RAD51B: variants seen among roughly 807,000 people sequenced by gnomAD.
The protein encoded by RAD51B is DNA repair protein RAD51 homolog 2.
A neutral mutation model predicts 42.2 loss-of-function variants in RAD51B; 38 were observed. The observed-to-expected ratio is 0.90, with a 90% CI of 0.70 to 1.18. The LOEUF is 1.18. Ranked by LOEUF, RAD51B falls within the 50% of genes most tolerant of loss-of-function variation. The pLI is 0.00. For missense variants in RAD51B, 373 were observed against 400.7 expected (o/e 0.93, Z 0.59); for synonymous variants, 154 against 145.2 (o/e 1.06, Z -0.43).
At chr14:68,014,199 CTT>C (rs35420035) in intron 7 of RAD51B, among the ~76,000 whole-genome samples, 8,553 of 138,270 alleles carry the variant, frequency 0.062, 590 homozygotes, top group African/African-American at 0.17. Context: ...TCTTTTCTTT[CTT>C]TTTTTTTTTT....
intron 10 of RAD51B, among the ~76,000 whole-genome samples, chr14:68,624,535 G>A (rs138922025): frequency 2.6e-5 from 4 of 152,062 alleles, no homozygotes; most frequent in South Asian, 2.1e-4. Flanking sequence ...CCCCCTAACC[G>A]CAGTTCCCTA....
chr14:68,488,577 A>T (rs185706185), intron 10 of RAD51B, among the ~76,000 whole-genome samples: 1 of 151,748 alleles, frequency 6.6e-6, no homozygotes, highest in East Asian at 1.9e-4. Flanking sequence ...ATACCCTATC[A>T]CCCTTGCCTG....
rs576707013 is a variant in RAD51B, at chr14:68,210,052, C to T, written c.757-81832C>T. Reference sequence around the variant, plus strand: ...TCAGCTCACTGCAACCTCCGCCACCCGGGTTCAAGTGATTTTCCTGCCTCA... The same window carrying T: ...TCAGCTCACTGCAACCTCCGCCACCTGGGTTCAAGTGATTTTCCTGCCTCA... On this transcript the variant is annotated intron_variant, in intron 7 of 10. Transcript: ENST00000471583. 6.6e-5 allele frequency among the ~76,000 whole-genome samples: 10 copies of T among 151,932 alleles called. No individual in the cohort carries two copies. In the South Asian group the frequency reaches 8.3e-4, roughly 13 times the overall value.
chr14:68,579,604 G>C (rs1293630132), intron 10 of RAD51B, among the ~76,000 whole-genome samples: 3 of 152,158 alleles, frequency 2.0e-5, no homozygotes, highest in Non-Finnish European at 2.9e-5. Context: ...ATGATTCCTT[G>C]CTTGTCTGAA....
chr14:68,202,059 A>T (rs777262730), intron 7 of RAD51B, among the ~76,000 whole-genome samples: 1 of 152,252 alleles, frequency 6.6e-6, no homozygotes. Flanking sequence ...CCTAGTGCAT[A>T]TCAAAGTTAT....
intron 4 of RAD51B, among the ~76,000 whole-genome samples, chr14:67,848,744 C>A (rs1236397979): frequency 2.0e-5 from 3 of 152,152 alleles, no homozygotes; most frequent in Non-Finnish European, 4.4e-5. Flanking sequence ...CCATGTTTAG[C>A]ATTTCCTGAA....
intron 10 of RAD51B, among the ~76,000 whole-genome samples, chr14:68,513,969 G>A (rs1566921524): frequency 6.6e-6 from 1 of 152,166 alleles, no homozygotes; most frequent in Non-Finnish European, 1.5e-5. Context: ...TCTTTAAAAA[G>A]GAAGCAATCC....
At chr14:67,821,628 T>C (rs994618044) in intron 1 of RAD51B, among the ~76,000 whole-genome samples, 1 of 152,044 alleles carries the variant, frequency 6.6e-6, no homozygotes, top group Admixed American at 6.6e-5. Context: ...GCCCAGCTAA[T>C]TTTTGTATTT....
At chr14:68,294,962 C>T (rs2081585998) in intron 8 of RAD51B, among the ~76,000 whole-genome samples, 1 of 152,168 alleles carries the variant, frequency 6.6e-6, no homozygotes, top group African/African-American at 2.4e-5. Flanking sequence ...GAATGAGAAA[C>T]ACACTGGGAT....
chr14:68,625,850 G>C (rs6573846), intron 10 of RAD51B, among the ~76,000 whole-genome samples: 131,944 of 152,136 alleles, frequency 0.87, 57,273 homozygotes, highest in East Asian at 0.95. Context: ...GGGCTGCCCC[G>C]CAAGAAGCAA....
exon 11 of RAD51B, chr14:68,595,476 T>C: frequency 9.4e-7 from 1 of 1,066,716 alleles, no homozygotes; most frequent in Non-Finnish European, 1.1e-6. Flanking sequence ...AGGCCACTCC[T>C]AGCTTGAGTA....
At chr14:68,092,939 C>T (rs1595385900) in intron 7 of RAD51B, among the ~76,000 whole-genome samples, 1 of 150,398 alleles carries the variant, frequency 6.6e-6, no homozygotes, top group South Asian at 2.1e-4. Flanking sequence ...AAGGCTTTTT[C>T]TGCATCTATT....
At chr14:68,541,465 G>A (rs775845876) in intron 10 of RAD51B, 19 of 985,314 alleles carry the variant, frequency 1.9e-5, no homozygotes, top group Non-Finnish European at 2.3e-5. Context: ...AGGGGGAATG[G>A]CCCCTCTGGC....
chr14:68,034,264 CT>C (rs548523242), intron 7 of RAD51B, among the ~76,000 whole-genome samples: 479 of 143,364 alleles, frequency 3.3e-3, no homozygotes, highest in Non-Finnish European at 3.7e-3. Context: ...GAATCATCTG[CT>C]TTTTTTTTTT....
At chr14:68,234,886 A>G (rs1751140424) in intron 7 of RAD51B, among the ~76,000 whole-genome samples, 1 of 152,202 alleles carries the variant, frequency 6.6e-6, no homozygotes, top group Admixed American at 6.5e-5. Context: ...GACTTTATAA[A>G]CTTTTAATTA....
At chr14:68,163,836 C>T (rs1036902670) in intron 7 of RAD51B, among the ~76,000 whole-genome samples, 4 of 152,096 alleles carry the variant, frequency 2.6e-5, no homozygotes, top group Non-Finnish European at 4.4e-5. Context: ...TTCAAATCAC[C>T]CAAGTTCTTA....
At chr14:68,609,998 C>A (rs1891612027) in intron 10 of RAD51B, among the ~76,000 whole-genome samples, 1 of 152,074 alleles carries the variant, frequency 6.6e-6, no homozygotes, top group Admixed American at 6.6e-5. Flanking sequence ...CTGTCTCTCT[C>A]CTCCGCGTCC....
At chr14:68,127,365 A>G (rs1266962246) in intron 7 of RAD51B, among the ~76,000 whole-genome samples, 1 of 152,182 alleles carries the variant, frequency 6.6e-6, no homozygotes, top group Non-Finnish European at 1.5e-5. Flanking sequence ...ATTTGTTTAT[A>G]TAGCTGTCTC....
At chr14:67,898,398 A>C (rs989569775) in intron 7 of RAD51B, among the ~76,000 whole-genome samples, 2 of 152,370 alleles carry the variant, frequency 1.3e-5, no homozygotes. Context: ...CTCATAGAGC[A>C]AAGAGTAGAA....
Sources: allele counts gnomAD v4.1 joint callset (sites outside exome capture counted in the v4.1 genomes callset), GRCh38; gene constraint gnomAD v4.1.1; transcripts MANE v1.5; gene names NCBI Gene and HGNC (gene_info 2026-07-23, HGNC 2026-07-21).